The following UNC5D variants were observed in gnomAD, a reference collection of about 807,000 sequenced individuals.
UNC5D encodes the protein netrin receptor UNC5D.
In UNC5D, 39 loss-of-function variants were observed where a neutral mutation model predicts 105.4. That is an observed-to-expected ratio of 0.37 (90% CI 0.29 to 0.48). The LOEUF is 0.48. Among genes scored for constraint, UNC5D ranks in the 20% least tolerant of loss-of-function variants. The pLI, the probability that UNC5D is intolerant of heterozygous loss-of-function variation, is 0.98. For missense variants in UNC5D, 991 were observed against 1,202.4 expected (o/e 0.82, Z 2.60); for synonymous variants, 452 against 450.4 (o/e 1.00, Z -0.04).
chr8:35,239,361 G>T (rs1802664666), intron 1 of UNC5D, among the ~76,000 whole-genome samples: 1 of 152,022 alleles, frequency 6.6e-6, no homozygotes, highest in Non-Finnish European at 1.5e-5. Flanking sequence ...TCTGTTTATT[G>T]TCTCAATGCT....
intron 3 of UNC5D, among the ~76,000 whole-genome samples, chr8:35,576,755 G>A (rs572287960): frequency 6.6e-6 from 1 of 152,212 alleles, no homozygotes; most frequent in Non-Finnish European, 1.5e-5. Context: ...TGGGACTACA[G>A]GTGCCTGCCA....
chr8:35,514,776 G>C (rs1813005128), intron 1 of UNC5D, among the ~76,000 whole-genome samples: 2 of 152,198 alleles, frequency 1.3e-5, no homozygotes, highest in African/African-American at 4.8e-5. Flanking sequence ...CTGCTTTTGT[G>C]TGATAATATT....
Position 35,774,339 on chromosome 8 carries a change from G to A in UNC5D, c.2519G>A (p.Ser840Asn). The A allele has an allele frequency of 6.2e-7, 1 of 1,614,032 alleles. No homozygotes were observed. Among genetic ancestry groups the A allele is most frequent in the South Asian group, 1.1e-5 (1 of 91,074 alleles). ...ATCACTTTCTTCGCACAAGAGGACA[G>A]CACTTTCCCTGCACAGACTGGCCCC... ...ETITFFAQED[S>N]TFPAQTGPKA... The change falls in exon 16 of 17, where the codon AGC becomes AAC. Residue 840 changes from serine (S) to asparagine (N), a missense_variant. This residue lies in a region of UNC5D where 944 missense variants were observed against 1,131.6 expected (regional missense o/e 0.83). Coordinates refer to ENST00000404895, the MANE Select transcript of UNC5D (RefSeq NM_080872.4).
At chr8:35,742,478 T>C (rs1470850660) in intron 11 of UNC5D, among the ~76,000 whole-genome samples, 1 of 152,112 alleles carries the variant, frequency 6.6e-6, no homozygotes, top group Non-Finnish European at 1.5e-5. Flanking sequence ...CGACCCAGGG[T>C]CTGACATAGT....
chr8:35,755,541 CTTGT>C lies in UNC5D; in HGVS notation c.2164-3776_2164-3773del, dbSNP rs991606393. Among the ~76,000 whole-genome samples, 24 of 151,982 alleles carry C rather than the reference CTTGT, an allele frequency of 1.6e-4. No homozygotes were observed. The South Asian group carries it at 1.9e-3, about 12-fold the overall frequency. On this transcript the variant is annotated intron_variant, in intron 13 of 16. Transcript: ENST00000404895. ...CTCATAAATATGTAAATTTAGCCTGCTTGTTTTAGTATCCCTGAAGCACACCTGA... is the reference window on the plus strand; with the variant it reads ...CTCATAAATATGTAAATTTAGCCTGCTTTAGTATCCCTGAAGCACACCTGA...
At chr8:35,528,061 T>TTA (rs1445190030) in intron 1 of UNC5D, among the ~76,000 whole-genome samples, 4 of 133,558 alleles carry the variant, frequency 3.0e-5, no homozygotes, top group East Asian at 2.0e-4. Context: ...TTTTTTTTTT[T>TTA]ATACTTTAAG....
intron 1 of UNC5D, among the ~76,000 whole-genome samples, chr8:35,359,867 T>C (rs1801766925): frequency 6.6e-6 from 1 of 152,204 alleles, no homozygotes; most frequent in African/African-American, 2.4e-5. Context: ...GCTTACTATC[T>C]AGATTTTTAG....
chr8:35,665,961 T>C (rs1032213000), intron 4 of UNC5D, among the ~76,000 whole-genome samples: 7 of 150,398 alleles, frequency 4.7e-5, no homozygotes, highest in African/African-American at 1.7e-4. Context: ...GGTTATACTT[T>C]TTTTTTTTTT....
chr8:35,365,922 A>G (rs1044532858), intron 1 of UNC5D, among the ~76,000 whole-genome samples: 2 of 152,230 alleles, frequency 1.3e-5, no homozygotes, highest in Non-Finnish European at 2.9e-5. Context: ...AGGCAATGAA[A>G]GAACTGCTCA....
At chr8:35,570,852 G>A (rs1203301579) in intron 3 of UNC5D, among the ~76,000 whole-genome samples, 1 of 151,976 alleles carries the variant, frequency 6.6e-6, no homozygotes, top group Non-Finnish European at 1.5e-5. Context: ...CAGCTACTCG[G>A]GAGGCTGAGG....
chr8:35,618,381 C>G (rs891427530), intron 4 of UNC5D, among the ~76,000 whole-genome samples: 9 of 152,104 alleles, frequency 5.9e-5, no homozygotes, highest in Middle Eastern at 3.2e-3. Context: ...TTAATTAACT[C>G]ATAAGACTAA....
rs1445672504 is a variant in UNC5D, at chr8:35,360,493, G to A, written c.103+124606G>A. On this transcript the variant is annotated intron_variant, in intron 1 of 16. Coordinates refer to ENST00000404895, the MANE Select transcript of UNC5D (RefSeq NM_080872.4). The stretch of plus-strand genomic sequence containing the variant: ...TTGCTGAGCTGCTGATTGGCTTGAT[G>A]CACAGCTCGGCATATTCTCTGGAAT... 2.6e-5 allele frequency among the ~76,000 whole-genome samples: 4 copies of A among 152,128 alleles called. No individual in the cohort carries two copies. In the South Asian group the frequency reaches 6.2e-4, roughly 24 times the overall value.
chr8:35,479,997 T>C (rs1438661563), intron 1 of UNC5D, among the ~76,000 whole-genome samples: 1 of 152,242 alleles, frequency 6.6e-6, no homozygotes, highest in East Asian at 1.9e-4. Flanking sequence ...GCACCACTAA[T>C]GGACTTACTT....
intron 15 of UNC5D, among the ~76,000 whole-genome samples, chr8:35,770,453 TAA>T (rs1198657681): frequency 6.6e-6 from 1 of 152,112 alleles, no homozygotes; most frequent in African/African-American, 2.4e-5. Context: ...CCTTCACACT[TAA>T]AAGTTATTTT....
chr8:35,735,665 T>A (rs1416326630), intron 11 of UNC5D, among the ~76,000 whole-genome samples: 2 of 152,226 alleles, frequency 1.3e-5, no homozygotes, highest in Non-Finnish European at 2.9e-5. Flanking sequence ...GCAAAAAGAA[T>A]CTAGCTCTGG....
rs958559682 is a variant in UNC5D at position 35,794,425 on chromosome 8, G to T, written c.*3862G>T. 6.6e-6 allele frequency: 1 copy of T among 152,390 alleles called. No individual in the cohort carries two copies. The highest frequency in any genetic ancestry group is 2.4e-5 in the African/African-American group (1 of 41,444). The allele number at this position is 152,390 out of a possible 1,614,324, so 9.4% of individuals were successfully genotyped here. A position where few individuals can be genotyped will look rare whatever the true frequency, so the allele number is the denominator to read the frequency against. Reference sequence around the variant, plus strand: ...TCAGTAACTCTCATTGACTGGATTAGAGGTGATGGCCACAGCAAATGGGAG... The same window carrying T: ...TCAGTAACTCTCATTGACTGGATTATAGGTGATGGCCACAGCAAATGGGAG... On this transcript the variant is annotated 3_prime_UTR_variant, in exon 17 of 17. Transcript: ENST00000404895.
intron 13 of UNC5D, among the ~76,000 whole-genome samples, chr8:35,755,510 T>C (rs1308734975): frequency 6.8e-6 from 1 of 146,392 alleles, no homozygotes; most frequent in Admixed American, 6.7e-5. Flanking sequence ...GTTCAAACAG[T>C]TTTGTCTCAT....
chr8:35,556,754 T>C (rs1816576439), intron 2 of UNC5D, among the ~76,000 whole-genome samples: 2 of 152,176 alleles, frequency 1.3e-5, no homozygotes, highest in South Asian at 4.1e-4. Context: ...TATCAGGATA[T>C]CTGGAGACTC....
intron 1 of UNC5D, among the ~76,000 whole-genome samples, chr8:35,392,570 G>A (rs746843888): frequency 2.6e-5 from 4 of 152,000 alleles, no homozygotes; most frequent in Non-Finnish European, 4.4e-5. Context: ...TTCATTCTTC[G>A]CAAAGTTACA....
Sources: gnomAD v4.1 joint callset for allele counts (sites outside exome capture counted in the v4.1 genomes callset) on GRCh38, gnomAD v4.1.1 for gene constraint, gnomAD v4.1.1 regional missense constraint, MANE v1.5 for transcripts, NCBI Gene and HGNC (gene_info 2026-07-23, HGNC 2026-07-21) for gene names.